TBC1D22A: variants seen among roughly 807,000 people sequenced by gnomAD.
The protein encoded by TBC1D22A is TBC1 domain family member 22A, also known as putative GTPase activator.
Under a neutral mutation model 60.2 loss-of-function variants are expected in TBC1D22A, and 38 were observed. That is an observed-to-expected ratio of 0.63 (90% CI 0.49 to 0.83). The LOEUF is 0.83. TBC1D22A is among the 40% of genes least tolerant of loss of function. TBC1D22A has a pLI of 0.00. For missense variants in TBC1D22A, 628 were observed against 701.0 expected (o/e 0.90, Z 1.18); for synonymous variants, 302 against 281.7 (o/e 1.07, Z -0.72).
At chr22:46,861,020 G>T (rs542126483) in intron 4 of TBC1D22A, among the ~76,000 whole-genome samples, 17 of 152,204 alleles carry the variant, frequency 1.1e-4, no homozygotes, top group African/African-American at 4.1e-4. Context: ...CTGTTGCCCT[G>T]GTCAATCTTG....
intron 8 of TBC1D22A, among the ~76,000 whole-genome samples, chr22:46,920,909 T>TA (rs1338494219): frequency 6.6e-6 from 1 of 152,004 alleles, no homozygotes; most frequent in African/African-American, 2.4e-5. Flanking sequence ...TAGCTGGGAT[T>TA]ACAGGTGTGT....
intron 11 of TBC1D22A, among the ~76,000 whole-genome samples, chr22:47,041,269 G>T (rs1603127397): frequency 6.6e-6 from 1 of 152,256 alleles, no homozygotes; most frequent in Admixed American, 6.5e-5. Context: ...CACTGCCCGC[G>T]CTCCTCACGC....
intron 11 of TBC1D22A, among the ~76,000 whole-genome samples, chr22:47,045,062 G>A (rs131898): frequency 0.71 from 107,337 of 152,124 alleles, 38,371 homozygotes; most frequent in East Asian, 0.92. Context: ...CTTCACATGG[G>A]GCGGTCTCTC....
chr22:46,897,656 T>G (rs1183355823), intron 7 of TBC1D22A, among the ~76,000 whole-genome samples: 3 of 148,976 alleles, frequency 2.0e-5, no homozygotes, highest in African/African-American at 7.4e-5. Context: ...TTTTGTGTTT[T>G]TTTTTTTTTT....
intron 11 of TBC1D22A, among the ~76,000 whole-genome samples, chr22:47,062,206 C>G (rs1320409505): frequency 6.6e-6 from 1 of 152,008 alleles, no homozygotes; most frequent in South Asian, 2.1e-4. Flanking sequence ...CCTGGACCAG[C>G]AGCCTCAGCA....
intron 10 of TBC1D22A, among the ~76,000 whole-genome samples, chr22:47,004,795 C>T (rs2061527567): frequency 6.6e-6 from 1 of 151,086 alleles, no homozygotes; most frequent in Admixed American, 6.6e-5. Flanking sequence ...CACACACACT[C>T]CTACACAAAT....
In TBC1D22A at chr22:46,894,818, C is replaced by T. The variant is rs375436361; in HGVS notation, c.872C>T (p.Ala291Val). ...HIDIPRMSPEALILQPKVTEI... is the reference protein window; with the variant it reads ...HIDIPRMSPEVLILQPKVTEI... The stretch of plus-strand genomic sequence containing the variant: ...GACATCCCTCGCATGAGCCCTGAAG[C>T]GTTGATCCTGCAGCCCAAGGTGACG... Residue 291 changes from alanine (A) to valine (V), a missense_variant, in exon 7 of 13, where the codon GCG becomes GTG. By Grantham distance (64) the Ala-to-Val change is moderately conservative (BLOSUM62 0). Transcript: ENST00000337137. 39 of 1,614,244 alleles carry T rather than the reference C, an allele frequency of 2.4e-5. No homozygotes were observed. The highest frequency in any genetic ancestry group is 5.3e-5 in the African/African-American group (4 of 75,068).
chr22:47,054,481 C>T (rs1569395909), intron 11 of TBC1D22A, among the ~76,000 whole-genome samples: 1 of 152,222 alleles, frequency 6.6e-6, no homozygotes, highest in Non-Finnish European at 1.5e-5. Flanking sequence ...GCATGACTTA[C>T]TCTCCACAGA....
intron 4 of TBC1D22A, among the ~76,000 whole-genome samples, chr22:46,854,974 C>T (rs1001388747): frequency 1.3e-5 from 2 of 152,166 alleles, no homozygotes; most frequent in East Asian, 1.9e-4. Flanking sequence ...CAATAGATGG[C>T]AGGGTGTAGT....
At chr22:47,162,662 G>A (rs1267318774) in intron 12 of TBC1D22A, among the ~76,000 whole-genome samples, 1 of 57,892 alleles carries the variant, frequency 1.7e-5, no homozygotes, top group South Asian at 4.1e-4. Context: ...ATGGGACTGC[G>A]GACCCGGTGC....
rs1351603373 is a variant in TBC1D22A at position 47,012,924 on chromosome 22, AG to A, written c.1201+15218del. ...ATAAAAAACTTGCTGTTCGGAGCAGAGGGTCCTCTGAGATCCTCTGGCCACC... is the reference window on the plus strand; with the variant it reads ...ATAAAAAACTTGCTGTTCGGAGCAGAGGTCCTCTGAGATCCTCTGGCCACC... On this transcript the variant is annotated intron_variant, in intron 10 of 12. Coordinates refer to ENST00000337137, the MANE Select transcript of TBC1D22A (RefSeq NM_014346.5). Among the ~76,000 whole-genome samples the A allele has an allele frequency of 2.6e-5, 4 of 152,150 alleles. No homozygotes were observed. In the South Asian group the frequency reaches 8.3e-4, roughly 32 times the overall value.
At chr22:47,085,645 A>G (rs753563704) in intron 11 of TBC1D22A, among the ~76,000 whole-genome samples, 110 of 152,338 alleles carry the variant, frequency 7.2e-4, no homozygotes, top group Middle Eastern at 6.8e-3. Flanking sequence ...TGGTAAAACA[A>G]TATTAAATAT....
intron 11 of TBC1D22A, among the ~76,000 whole-genome samples, chr22:47,087,477 A>G (rs887988328): frequency 2.0e-5 from 3 of 152,238 alleles, no homozygotes; most frequent in African/African-American, 7.2e-5. Context: ...ACACAGAGAA[A>G]AATGACTTCA....
intron 4 of TBC1D22A, among the ~76,000 whole-genome samples, chr22:46,820,211 GTTTT>G (rs145581776): frequency 1.3e-5 from 2 of 151,934 alleles, no homozygotes; most frequent in Admixed American, 1.3e-4. Flanking sequence ...TTTTTGGAGG[GTTTT>G]TTGTGTCTCA....
intron 8 of TBC1D22A, among the ~76,000 whole-genome samples, chr22:46,941,614 TATATATACGGAATATATATACGC>T (rs1569248771): frequency 7.1e-6 from 1 of 140,492 alleles, no homozygotes; most frequent in Non-Finnish European, 1.6e-5. Context: ...ATACGCGGAA[TATATATACGGAATATATATACGC>T]GGAATATATA....
intron 11 of TBC1D22A, among the ~76,000 whole-genome samples, chr22:47,092,236 T>C (rs5766666): frequency 0.47 from 70,809 of 151,918 alleles, 17,142 homozygotes; most frequent in East Asian, 0.59. Context: ...AGCGAGTACC[T>C]AGAGGGATGC....
intron 11 of TBC1D22A, among the ~76,000 whole-genome samples, chr22:47,108,658 T>TA (rs1448665050): frequency 6.6e-6 from 1 of 152,224 alleles, no homozygotes; most frequent in East Asian, 1.9e-4. Context: ...TATCAAAACT[T>TA]ATCAAATTAT....
chr22:46,940,836 ATATATG>A lies in TBC1D22A; in HGVS notation c.1015+28652_1015+28657del, dbSNP rs1228816259. On this transcript the variant is annotated intron_variant, in intron 8 of 12. Coordinates refer to ENST00000337137, the MANE Select transcript of TBC1D22A (RefSeq NM_014346.5). ...CCGGGGCACTAGAATATATATATAT[ATATATG>A]TATGTATGTATATATACCACACACA... Among the ~76,000 whole-genome samples, 664 of 104,430 alleles carry A rather than the reference ATATATG, an allele frequency of 6.4e-3. 12 individuals carry two copies. The highest frequency in any genetic ancestry group is 0.022 in the African/African-American group (625 of 28,624). 68.5% of individuals were successfully genotyped at this position (104,430 alleles called of 152,430 possible).
intron 1 of TBC1D22A, among the ~76,000 whole-genome samples, chr22:46,768,354 A>G (rs145379582): frequency 0.024 from 3,677 of 151,842 alleles, 130 homozygotes; most frequent in African/African-American, 0.081. Context: ...GCGTGGTGGC[A>G]GGCGCCTGTA....
Sources: gnomAD v4.1 joint callset for allele counts (sites outside exome capture counted in the v4.1 genomes callset) on GRCh38, gnomAD v4.1.1 for gene constraint, MANE v1.5 for transcripts, NCBI Gene and HGNC (gene_info 2026-07-23, HGNC 2026-07-21) for gene names.